INSL6: variants seen among roughly 807,000 people sequenced by gnomAD.
The protein encoded by INSL6 is insulin like 6.
In INSL6, 16 loss-of-function variants were observed where a neutral mutation model predicts 9.4. That is an observed-to-expected ratio of 1.70 (90% CI 1.15 to 2.59). INSL6 has a LOEUF of 2.59. INSL6 is among the 30% of genes most tolerant of loss of function. INSL6 has a pLI of 0.00. For synonymous variants in INSL6, 154 were observed against 96.9 expected (o/e 1.59, Z -3.46); for missense variants, 391 against 257.3 (o/e 1.52, Z -3.56).
At chr9:5,147,712 T>C (rs1824628748) in intron 2 of INSL6, among the ~76,000 whole-genome samples, 1 of 152,268 alleles carries the variant, frequency 6.6e-6, no homozygotes, top group African/African-American at 2.4e-5. Flanking sequence ...ATTTAGTTTC[T>C]TTACATAATC....
At chr9:5,146,601 G>A (rs564085125) in intron 2 of INSL6, among the ~76,000 whole-genome samples, 5 of 152,230 alleles carry the variant, frequency 3.3e-5, no homozygotes, top group Non-Finnish European at 5.9e-5. Flanking sequence ...CAAGGGTGGA[G>A]CACTGGTGGG....
At chr9:5,123,148 G>GT (rs763447537), downstream of INSL6, 1 of 1,451,834 alleles carries the variant, frequency 6.9e-7, no homozygotes, top group Non-Finnish European at 9.5e-7. Context: ...TTTACTTTCA[G>GT]TTTTTTGTTT....
chr9:5,080,204 C>A, the INSL6 span: 22 of 1,564,124 alleles, frequency 1.4e-5, no homozygotes, highest in South Asian at 1.2e-5. Context: ...TTATTTAACC[C>A]TACTCTGTTC....
At chr9:5,142,527 C>A (rs1008719510) in intron 2 of INSL6, among the ~76,000 whole-genome samples, 1 of 152,154 alleles carries the variant, frequency 6.6e-6, no homozygotes, top group Non-Finnish European at 1.5e-5. Context: ...TACTGAAATG[C>A]TAGTGATGTT....
chr9:5,166,023 A>G (rs1262193582), intron 1 of INSL6, among the ~76,000 whole-genome samples: 1 of 152,214 alleles, frequency 6.6e-6, no homozygotes, highest in Non-Finnish European at 1.5e-5. Flanking sequence ...TGTGAAAAAC[A>G]TGAATCGACC....
chr9:5,101,495 C>T, the INSL6 span, among the ~76,000 whole-genome samples: 3 of 152,266 alleles, frequency 2.0e-5, no homozygotes, highest in Admixed American at 6.5e-5. Flanking sequence ...CAGACTTAAA[C>T]GTCCCTGTCT....
chr9:5,015,096 GCATAAAGCT>G, the INSL6 span, among the ~76,000 whole-genome samples: 29 of 152,098 alleles, frequency 1.9e-4, no homozygotes, highest in Non-Finnish European at 3.5e-4. Flanking sequence ...TATCCATGTT[GCATAAAGCT>G]ATAGTTCATT....
chr9:5,099,129 G>T, the INSL6 span: 1 of 152,144 alleles, frequency 6.6e-6, no homozygotes, highest in Non-Finnish European at 1.5e-5. Context: ...AAGACATCCT[G>T]CACTCATGAA....
At chr9:4,992,660 A>G in the INSL6 span, among the ~76,000 whole-genome samples, 1 of 152,114 alleles carries the variant, frequency 6.6e-6, no homozygotes, top group Non-Finnish European at 1.5e-5. Flanking sequence ...CCAGGTACAG[A>G]ATAGTTTTCT....
chr9:5,133,829 C>T (rs188196625), intron 2 of INSL6, among the ~76,000 whole-genome samples: 1 of 151,932 alleles, frequency 6.6e-6, no homozygotes, highest in Non-Finnish European at 1.5e-5. Flanking sequence ...GGGAACAAAA[C>T]TGGACTGAGA....
the INSL6 span, among the ~76,000 whole-genome samples, chr9:5,118,176 T>C: frequency 5.9e-5 from 9 of 152,086 alleles, no homozygotes; most frequent in African/African-American, 2.2e-4. Flanking sequence ...AACAAATAAA[T>C]AGTGCAGCAA....
At chr9:5,009,167 G>C in the INSL6 span, among the ~76,000 whole-genome samples, 1 of 152,184 alleles carries the variant, frequency 6.6e-6, no homozygotes, top group Non-Finnish European at 1.5e-5. Flanking sequence ...AACTGGAATG[G>C]ATGAGCAAAT....
At chr9:5,018,151 G>T in the INSL6 span, among the ~76,000 whole-genome samples, 2 of 152,040 alleles carry the variant, frequency 1.3e-5, no homozygotes, top group Non-Finnish European at 2.9e-5. Context: ...TTGATTTCTG[G>T]TTGTTCTGTA....
the INSL6 span, among the ~76,000 whole-genome samples, chr9:5,038,624 A>G: frequency 6.6e-6 from 1 of 150,526 alleles, no homozygotes; most frequent in Non-Finnish European, 1.5e-5. Context: ...GGATTTTAGA[A>G]TATTTGCAGA....
chr9:5,136,405 C>T (rs1824387283), intron 2 of INSL6, among the ~76,000 whole-genome samples: 1 of 152,184 alleles, frequency 6.6e-6, no homozygotes, highest in African/African-American at 2.4e-5. Flanking sequence ...AGCAGCACAT[C>T]AAAAAGCTTA....
the INSL6 span, among the ~76,000 whole-genome samples, chr9:5,118,551 C>T: frequency 6.6e-6 from 1 of 152,124 alleles, no homozygotes; most frequent in Non-Finnish European, 1.5e-5. Context: ...GTGAATGGAA[C>T]AATCCCTCCC....
In INSL6 at chr9:5,141,088, A is replaced by AT. The variant is rs1185838791; in HGVS notation, c.377-7497dup. Reference sequence around the variant, plus strand: ...GTACTCCATGGTGTATATGTACCACATTTTTTTAATCCAGTCTATCACTGA... The same window carrying AT: ...GTACTCCATGGTGTATATGTACCACATTTTTTTTAATCCAGTCTATCACTGA... On this transcript the variant is annotated intron_variant, in intron 2 of 3. Transcript: ENST00000649639. 7.2e-5 allele frequency among the ~76,000 whole-genome samples: 11 copies of AT among 152,168 alleles called. No individual in the cohort carries two copies. The South Asian group carries it at 2.3e-3, about 32-fold the overall frequency.
chr9:5,066,605 G>T, the INSL6 span: 1 of 837,536 alleles, frequency 1.2e-6, no homozygotes, highest in East Asian at 2.5e-5. Flanking sequence ...ACTTTTGATT[G>T]TTTTAGATGA....
chr9:4,994,047 G>C, the INSL6 span, among the ~76,000 whole-genome samples: 1 of 152,186 alleles, frequency 6.6e-6, no homozygotes, highest in South Asian at 2.1e-4. Context: ...CTAGCCACTC[G>C]TGACTGAACT....
Sources: gnomAD v4.1 joint callset for allele counts (sites outside exome capture counted in the v4.1 genomes callset) on GRCh38, gnomAD v4.1.1 for gene constraint, MANE v1.5 for transcripts, NCBI Gene and HGNC (gene_info 2026-07-23, HGNC 2026-07-21) for gene names.